Variants in DEPTOR observed in about 807,000 individuals in gnomAD.
DEPTOR encodes DEP domain-containing mTOR-interacting protein.
A neutral mutation model predicts 41.6 loss-of-function variants in DEPTOR; 41 were observed. That is an observed-to-expected ratio of 0.98 (90% CI 0.77 to 1.28). The LOEUF (loss-of-function observed/expected upper bound fraction) is 1.28, where lower values mean the gene tolerates loss of function less well. Ranked by LOEUF, DEPTOR falls within the 50% of genes most tolerant of loss-of-function variation. The probability of loss-of-function intolerance (pLI) is 0.00; values close to 1 mark genes in which losing one functional copy is unlikely to be tolerated. For missense variants in DEPTOR, 514 were observed against 527.9 expected, an observed-to-expected ratio of 0.97 and a Z score of 0.26; for synonymous variants, 195 against 192.3, an observed-to-expected ratio of 1.01 and a Z score of -0.12.
chr8:119,886,766 T>G (rs375603836), intron 1 of DEPTOR, among the ~76,000 whole-genome samples: 3 of 151,972 alleles, frequency 2.0e-5, no homozygotes, highest in East Asian at 1.9e-4. Context: ...ATGCGGGAGG[T>G]CAACACTGTG....
At chr8:119,979,853 T>C (rs942292189) in intron 4 of DEPTOR, among the ~76,000 whole-genome samples, 11 of 151,966 alleles carry the variant, frequency 7.2e-5, no homozygotes, top group Admixed American at 7.2e-4. Context: ...ATAACCTCAA[T>C]GGGGGATTCC....
intron 1 of DEPTOR, among the ~76,000 whole-genome samples, chr8:119,892,529 G>A (rs1397928697): frequency 6.6e-6 from 1 of 152,174 alleles, no homozygotes; most frequent in Non-Finnish European, 1.5e-5. Flanking sequence ...TGGGTAGCAC[G>A]TGTCCACATG....
intron 1 of DEPTOR, among the ~76,000 whole-genome samples, chr8:119,898,324 G>C (rs1827546271): frequency 6.6e-6 from 1 of 152,106 alleles, no homozygotes; most frequent in Admixed American, 6.6e-5. Flanking sequence ...GTTAAACTAA[G>C]GAACATTTAC....
chr8:119,935,961 C>T (rs1479012576), intron 3 of DEPTOR, among the ~76,000 whole-genome samples: 2 of 150,902 alleles, frequency 1.3e-5, no homozygotes, highest in Non-Finnish European at 2.9e-5. Flanking sequence ...GGAACTAAAT[C>T]CCCTCTTAAT....
At chr8:119,971,884 A>T (rs989516367) in intron 4 of DEPTOR, among the ~76,000 whole-genome samples, 2 of 152,312 alleles carry the variant, frequency 1.3e-5, no homozygotes, top group African/African-American at 4.8e-5. Flanking sequence ...GCAGACTCTC[A>T]GAAGGAAAGC....
At chr8:120,043,041 G>A (rs1302539196) in intron 8 of DEPTOR, among the ~76,000 whole-genome samples, 1 of 151,614 alleles carries the variant, frequency 6.6e-6, no homozygotes, top group Non-Finnish European at 1.5e-5. Flanking sequence ...AGTGGAGACT[G>A]GGTTTCACCA....
intron 3 of DEPTOR, among the ~76,000 whole-genome samples, chr8:119,933,582 G>A (rs1325574579): frequency 1.3e-5 from 2 of 151,902 alleles, no homozygotes; most frequent in East Asian, 1.9e-4. Flanking sequence ...AATAGATGGA[G>A]CATTACTTTA....
intron 4 of DEPTOR, among the ~76,000 whole-genome samples, chr8:119,985,612 A>G (rs887863932): frequency 1.3e-5 from 2 of 152,022 alleles, no homozygotes; most frequent in African/African-American, 4.8e-5. Flanking sequence ...TGTTTTAGTC[A>G]CGAAGTCTTT....
Position 120,000,906 on chromosome 8 carries a change from C to T in DEPTOR, c.605-619C>T, listed in dbSNP as rs541262432. Among the ~76,000 whole-genome samples, 9 of 151,782 alleles carry T rather than the reference C, an allele frequency of 5.9e-5. No homozygotes were observed. In the East Asian group the frequency reaches 8.0e-4, roughly 13 times the overall value. On this transcript the variant is annotated intron_variant, in intron 4 of 8. Coordinates refer to ENST00000286234, the MANE Select transcript of DEPTOR (RefSeq NM_022783.4). ...CAGCCTGGCCAACATGGTGCAACCC[C>T]GTCTCTACGAAAATACAAAAATTAG...
At chr8:119,916,922 C>T (rs1827822310) in intron 1 of DEPTOR, among the ~76,000 whole-genome samples, 1 of 152,196 alleles carries the variant, frequency 6.6e-6, no homozygotes, top group Admixed American at 6.5e-5. Flanking sequence ...CGTGTGCCGC[C>T]ACACGTAGCT....
At chr8:119,981,906 T>G (rs917233931) in intron 4 of DEPTOR, among the ~76,000 whole-genome samples, 6 of 146,966 alleles carry the variant, frequency 4.1e-5, no homozygotes, top group Admixed American at 2.8e-4. Context: ...TCCCAGCTAC[T>G]CAGGAGGCTG....
chr8:119,972,571 C>T (rs1022255493), intron 4 of DEPTOR, among the ~76,000 whole-genome samples: 1 of 150,500 alleles, frequency 6.6e-6, no homozygotes, highest in Non-Finnish European at 1.5e-5. Context: ...TGCAGTGAGC[C>T]GAGATCATGC....
At chr8:119,877,450 A>G (rs750993106) in intron 1 of DEPTOR, among the ~76,000 whole-genome samples, 3 of 152,188 alleles carry the variant, frequency 2.0e-5, no homozygotes, top group African/African-American at 4.8e-5. Context: ...CACTTTCACA[A>G]AGAGTTCTTC....
intron 8 of DEPTOR, among the ~76,000 whole-genome samples, chr8:120,028,986 T>C (rs1812844612): frequency 1.3e-5 from 2 of 151,084 alleles, no homozygotes; most frequent in African/African-American, 4.9e-5. Flanking sequence ...AATAGGAAAA[T>C]CGCTTGAACC....
intron 4 of DEPTOR, among the ~76,000 whole-genome samples, chr8:119,971,717 A>G (rs1828636330): frequency 6.6e-6 from 1 of 152,190 alleles, no homozygotes; most frequent in Non-Finnish European, 1.5e-5. Context: ...GAGACATCGT[A>G]GATTTTTCTT....
At chr8:120,041,289 A>C (rs992125770) in intron 8 of DEPTOR, among the ~76,000 whole-genome samples, 13 of 152,214 alleles carry the variant, frequency 8.5e-5, no homozygotes, top group Non-Finnish European at 2.9e-5. Context: ...ACGCCAGCCT[A>C]TAAGAACAAA....
At chr8:119,894,645 C>G (rs1827493139) in intron 1 of DEPTOR, among the ~76,000 whole-genome samples, 1 of 152,072 alleles carries the variant, frequency 6.6e-6, no homozygotes, top group Non-Finnish European at 1.5e-5. Flanking sequence ...ATCTGCCCAC[C>G]TCTGCCTCCC....
chr8:120,002,811 T>TAA lies in DEPTOR; in HGVS notation c.791-165_791-164dup, dbSNP rs1554584653. ...AAAAAAATATATATATATATATATATAATATAAAGTAAGTGGCAGAGCTGC... is the reference window on the plus strand; with the variant it reads ...AAAAAAATATATATATATATATATATAAAATATAAAGTAAGTGGCAGAGCTGC... On this transcript the variant is annotated intron_variant, in intron 5 of 8. Transcript: ENST00000286234. Among the ~76,000 whole-genome samples the TAA allele has an allele frequency of 3.6e-4, 47 of 131,206 alleles. 3 individuals carry two copies. Among genetic ancestry groups the TAA allele is most frequent in the South Asian group, 2.3e-4 (1 of 4,262 alleles). The allele number at this position is 131,206 out of a possible 152,430, so 86.1% of individuals were successfully genotyped here. A position where few individuals can be genotyped will look rare whatever the true frequency, so the allele number is the denominator to read the frequency against.
chr8:119,938,285 G>T (rs2129882926), intron 3 of DEPTOR, among the ~76,000 whole-genome samples: 1 of 152,242 alleles, frequency 6.6e-6, no homozygotes, highest in South Asian at 2.1e-4. Context: ...TCATAAACAT[G>T]AAATTTGAAA....
Sources: allele counts gnomAD v4.1 joint callset (sites outside exome capture counted in the v4.1 genomes callset), GRCh38; gene constraint gnomAD v4.1.1; transcripts MANE v1.5; gene names NCBI Gene and HGNC (gene_info 2026-07-23, HGNC 2026-07-21).